PPP2R3A: variants seen among roughly 807,000 people sequenced by gnomAD.
PPP2R3A encodes the protein serine/threonine-protein phosphatase 2A regulatory subunit B'' subunit alpha.
Under a neutral mutation model 106.9 loss-of-function variants are expected in PPP2R3A, and 80 were observed. The ratio of observed to expected loss-of-function variants is 0.75; its 90% CI spans 0.62 to 0.90. The LOEUF is 0.90. Among genes scored for constraint, PPP2R3A ranks in the 40% least tolerant of loss-of-function variants. PPP2R3A has a pLI of 0.00. For missense variants in PPP2R3A, 1,386 were observed against 1,350.4 expected (o/e 1.03, Z -0.41); for synonymous variants, 483 against 468.3 (o/e 1.03, Z -0.41).
At chr3:136,021,867 ATATTG>A (rs1464980461) in intron 2 of PPP2R3A, among the ~76,000 whole-genome samples, 1 of 149,518 alleles carries the variant, frequency 6.7e-6, no homozygotes, top group Non-Finnish European at 1.5e-5. Context: ...CATAATACTT[ATATTG>A]TATTAAGTAT....
At chr3:136,055,913 AGTG>A (rs1283739995) in intron 5 of PPP2R3A, 1 of 379,148 alleles carries the variant, frequency 2.6e-6, no homozygotes, top group East Asian at 4.8e-5. Context: ...GGCTATGCAT[AGTG>A]ATTTCAGGGT....
At chr3:136,075,297 G>A (rs998286013) in intron 6 of PPP2R3A, among the ~76,000 whole-genome samples, 2 of 152,110 alleles carry the variant, frequency 1.3e-5, no homozygotes, top group Admixed American at 1.3e-4. Context: ...ATGATTTATT[G>A]TAAAATTTTA....
intron 13 of PPP2R3A, among the ~76,000 whole-genome samples, chr3:136,123,239 A>G (rs994016252): frequency 5.9e-5 from 9 of 152,182 alleles, no homozygotes; most frequent in African/African-American, 2.2e-4. Flanking sequence ...ATATAAAACC[A>G]TAGTAATAAT....
intron 2 of PPP2R3A, among the ~76,000 whole-genome samples, chr3:136,023,693 G>T (rs534548379): frequency 6.6e-6 from 1 of 152,112 alleles, no homozygotes; most frequent in Admixed American, 6.6e-5. Context: ...AGACGTATTT[G>T]TCTATATAGA....
At chr3:136,113,821 A>T (rs1404180642) in intron 13 of PPP2R3A, among the ~76,000 whole-genome samples, 1 of 152,098 alleles carries the variant, frequency 6.6e-6, no homozygotes, top group East Asian at 1.9e-4. Flanking sequence ...AGAGAGACTT[A>T]AATGTAAGAC....
chr3:136,083,292 T>TG (rs1270225021), intron 8 of PPP2R3A, among the ~76,000 whole-genome samples: 6 of 152,202 alleles, frequency 3.9e-5, no homozygotes, highest in African/African-American at 1.4e-4. Context: ...AGGGACCTGG[T>TG]GGCAGGTAAT....
chr3:136,049,232 C>A, intron 4 of PPP2R3A, 27 bp from the exon 5 acceptor site: 1 of 1,515,972 alleles, frequency 6.6e-7, no homozygotes. Context: ...AGGAACTAAT[C>A]TTCCTAAGCA....
At chr3:136,135,647 G>T (rs1180942603) in intron 13 of PPP2R3A, among the ~76,000 whole-genome samples, 2 of 152,170 alleles carry the variant, frequency 1.3e-5, no homozygotes, top group Non-Finnish European at 2.9e-5. Flanking sequence ...GAAGGCATCA[G>T]CATCCACTTC....
intron 5 of PPP2R3A, among the ~76,000 whole-genome samples, chr3:136,067,630 A>G (rs1224335021): frequency 6.6e-6 from 1 of 152,224 alleles, no homozygotes; most frequent in African/African-American, 2.4e-5. Flanking sequence ...CTCCATGAGT[A>G]TTCAGCAGAG....
chr3:136,038,632 G>A (rs772658308), intron 3 of PPP2R3A, among the ~76,000 whole-genome samples: 6 of 152,158 alleles, frequency 3.9e-5, no homozygotes, highest in Admixed American at 2.6e-4. Flanking sequence ...TCCGCACACC[G>A]TCTGTTTGTG....
intron 11 of PPP2R3A, among the ~76,000 whole-genome samples, chr3:136,102,570 C>T (rs994932894): frequency 6.6e-6 from 1 of 152,194 alleles, no homozygotes; most frequent in Non-Finnish European, 1.5e-5. Context: ...TGGTCTCGAA[C>T]TCCTGACCTC....
intron 3 of PPP2R3A, among the ~76,000 whole-genome samples, chr3:136,033,631 G>A (rs970759248): frequency 1.3e-5 from 2 of 152,096 alleles, no homozygotes; most frequent in Non-Finnish European, 2.9e-5. Flanking sequence ...ATCTTTCCAG[G>A]AATTTATTCA....
intron 2 of PPP2R3A, among the ~76,000 whole-genome samples, chr3:136,004,537 C>G (rs1933777255): frequency 6.6e-6 from 1 of 152,178 alleles, no homozygotes; most frequent in Non-Finnish European, 1.5e-5. Context: ...TAGAAAAGCA[C>G]ATGGAATATT....
At chr3:135,999,899 G>A (rs1460311335) in intron 1 of PPP2R3A, among the ~76,000 whole-genome samples, 2 of 151,864 alleles carry the variant, frequency 1.3e-5, no homozygotes, top group East Asian at 3.9e-4. Context: ...TCAGCCTCCC[G>A]AGTAGCTGGG....
intron 2 of PPP2R3A, among the ~76,000 whole-genome samples, chr3:136,010,044 G>T (rs1933992669): frequency 6.6e-6 from 1 of 152,120 alleles, no homozygotes; most frequent in Admixed American, 6.6e-5. Flanking sequence ...CTCTGCAGGT[G>T]CCTTTTTCCC....
chr3:136,090,415 T>C (rs748180669), intron 9 of PPP2R3A, among the ~76,000 whole-genome samples, 163 bp from the exon 10 acceptor site: 1 of 152,238 alleles, frequency 6.6e-6, no homozygotes, highest in Non-Finnish European at 1.5e-5. Flanking sequence ...CTCTAGACCT[T>C]TGAAAATAAG....
At chr3:136,129,630 C>G (rs1484766364) in intron 13 of PPP2R3A, among the ~76,000 whole-genome samples, 1 of 152,128 alleles carries the variant, frequency 6.6e-6, no homozygotes, top group African/African-American at 2.4e-5. Context: ...CTACTCCAAT[C>G]AATAGAAAAA....
At chr3:136,111,111 A>C (rs1018964119) in intron 13 of PPP2R3A, among the ~76,000 whole-genome samples, 1 of 152,230 alleles carries the variant, frequency 6.6e-6, no homozygotes, top group Non-Finnish European at 1.5e-5. Flanking sequence ...CTTCAGCAAG[A>C]AGGTAAATGG....
chr3:136,009,769 C>A (rs557122428), intron 2 of PPP2R3A, among the ~76,000 whole-genome samples: 1 of 152,124 alleles, frequency 6.6e-6, no homozygotes. Context: ...TGCCATAATT[C>A]GTCACTAAAA....
Sources: gnomAD v4.1 joint callset for allele counts (sites outside exome capture counted in the v4.1 genomes callset) on GRCh38, gnomAD v4.1.1 for gene constraint, MANE v1.5 for transcripts, NCBI Gene and HGNC (gene_info 2026-07-23, HGNC 2026-07-21) for gene names.